DLGAP4: variants seen among roughly 807,000 people sequenced by gnomAD.
The protein encoded by DLGAP4 is disks large-associated protein 4.
Under a neutral mutation model 86.9 loss-of-function variants are expected in DLGAP4, and 18 were observed. The ratio of observed to expected loss-of-function variants is 0.21; its 90% CI spans 0.14 to 0.31. The LOEUF (loss-of-function observed/expected upper bound fraction) is 0.31, where lower values mean the gene tolerates loss of function less well. DLGAP4 is among the 10% of genes least tolerant of loss of function. DLGAP4 has a pLI of 1.00. For missense variants in DLGAP4, 1,085 were observed against 1,362.6 expected, an observed-to-expected ratio of 0.80 and a Z score of 3.21; for synonymous variants, 548 against 574.3, an observed-to-expected ratio of 0.95 and a Z score of 0.65.
chr20:36,428,074 CAAAT>C (rs765180565), intron 2 of DLGAP4, among the ~76,000 whole-genome samples: 14 of 152,146 alleles, frequency 9.2e-5, no homozygotes, highest in Non-Finnish European at 1.9e-4. Flanking sequence ...GATCAGAAAA[CAAAT>C]GAACTAAACG....
intron 2 of DLGAP4, among the ~76,000 whole-genome samples, chr20:36,401,816 A>T (rs1448547126): frequency 6.6e-6 from 1 of 152,230 alleles, no homozygotes; most frequent in Non-Finnish European, 1.5e-5. Context: ...CTGAAGGATC[A>T]GGGAAGGCCT....
chr20:36,396,642 CCACACA>C (rs59836413), intron 2 of DLGAP4, among the ~76,000 whole-genome samples: 1 of 78,244 alleles, frequency 1.3e-5, no homozygotes, highest in African/African-American at 3.3e-5. Flanking sequence ...CACGCACACA[CCACACA>C]CACACACACC....
chr20:36,335,558 G>C (rs185586065), intron 1 of DLGAP4, among the ~76,000 whole-genome samples: 16 of 152,322 alleles, frequency 1.1e-4, no homozygotes, highest in African/African-American at 3.6e-4. Context: ...AAGCGAGGCT[G>C]TGTGTCTGAG....
intron 2 of DLGAP4, among the ~76,000 whole-genome samples, chr20:36,370,146 G>A (rs562878116): frequency 6.6e-6 from 1 of 152,270 alleles, no homozygotes; most frequent in South Asian, 2.1e-4. Context: ...GCAGTCATAG[G>A]CAGCAGATGA....
At chr20:36,382,541 T>C (rs563801869) in intron 2 of DLGAP4, among the ~76,000 whole-genome samples, 42 of 141,658 alleles carry the variant, frequency 3.0e-4, no homozygotes, top group Middle Eastern at 3.4e-3. Context: ...TTTTTTTTTT[T>C]TTTTTTGAGA....
chr20:36,380,627 GAGAGAGAGAGAGAGAGAGAGAGAGAGA>G (rs2031349193), intron 2 of DLGAP4, among the ~76,000 whole-genome samples: 4 of 128,290 alleles, frequency 3.1e-5, no homozygotes, highest in Admixed American at 3.0e-4. Flanking sequence ...GAGAGAGAGA[GAGAGAGAGAGAGAGAGAGAGAGAGAGA>G]GAGAGAGAGA....
At chr20:36,347,772 G>A (rs2029994519) in intron 1 of DLGAP4, among the ~76,000 whole-genome samples, 2 of 150,120 alleles carry the variant, frequency 1.3e-5, no homozygotes, top group South Asian at 4.3e-4. Context: ...GCCACAGTGA[G>A]CAATGATTGT....
intron 10 of DLGAP4, among the ~76,000 whole-genome samples, chr20:36,506,124 A>C (rs1314088141): frequency 1.6e-4 from 24 of 152,194 alleles, no homozygotes; most frequent in Non-Finnish European, 3.4e-4. Context: ...GACAAGCAAC[A>C]TTTCAGGTGC....
At chr20:36,396,367 T>TATGG in intron 2 of DLGAP4, among the ~76,000 whole-genome samples, 2 of 3,172 alleles carry the variant, frequency 6.3e-4, no homozygotes, top group South Asian at 0.024. Context: ...CACACGCACA[T>TATGG]ACACACACCC....
intron 7 of DLGAP4, among the ~76,000 whole-genome samples, chr20:36,493,336 C>T (rs917181869): frequency 6.6e-5 from 10 of 152,164 alleles, no homozygotes; most frequent in Non-Finnish European, 1.5e-4. Context: ...AGGGGATCTT[C>T]CCTGCAGTCA....
intron 7 of DLGAP4, among the ~76,000 whole-genome samples, chr20:36,459,551 T>C (rs1233760396): frequency 6.6e-6 from 1 of 152,290 alleles, no homozygotes; most frequent in Admixed American, 6.5e-5. Flanking sequence ...GCTAATTTTT[T>C]AATTTTTGTG....
rs748300158 is a variant in DLGAP4 at position 36,432,695 on chromosome 20, T to C, written c.978T>C (p.Gly326=). ...TCAAGTCCAAATCCTGCCACCAGGG[T>C]CTAGCCTACCATTACCTGCAGGTGG... is the stretch of plus-strand genomic sequence containing the variant. ...SLLKSKSCHQ[G]LAYHYLQVPG... The change falls in exon 3 of 13, where the codon GGT becomes GGC. Residue 326 remains glycine, a synonymous_variant. Coordinates refer to ENST00000339266, the MANE Select transcript of DLGAP4 (RefSeq NM_001365621.2). This position sits in a 1 kb window ranked among gnomAD's most constrained non-coding sequence, Gnocchi z 6.5. The C allele has an allele frequency of 1.4e-5, 22 of 1,613,232 alleles. No homozygotes were observed. The highest frequency in any genetic ancestry group is 1.8e-5 in the Non-Finnish European group (21 of 1,179,748).
At chr20:36,368,107 C>T (rs1229663874) in intron 2 of DLGAP4, among the ~76,000 whole-genome samples, 1 of 152,238 alleles carries the variant, frequency 6.6e-6, no homozygotes, top group Admixed American at 6.5e-5. Context: ...CCGTGCCTGG[C>T]ATACAGTGGG....
rs1206848096 is a variant in DLGAP4, at chr20:36,525,871, C to T, written c.2625C>T (p.Arg875=). Residue 875 remains arginine (R), a synonymous_variant, in exon 12 of 13, where the codon CGC becomes CGT. Transcript: ENST00000339266. ...CACAGAACCCTGATGCCAACCCACG[C>T]CCCACAGCCCAGGACCTGGCAGGGT... ...EQNLNPDANP[R]PTAQDLAGFW... 7.4e-6 allele frequency: 12 copies of T among 1,613,582 alleles called. No homozygotes were observed. The highest frequency in any genetic ancestry group is 1.0e-5 in the Non-Finnish European group (12 of 1,180,000).
chr20:36,489,418 C>G (rs1263417691), intron 7 of DLGAP4, among the ~76,000 whole-genome samples: 1 of 152,164 alleles, frequency 6.6e-6, no homozygotes, highest in Non-Finnish European at 1.5e-5. Context: ...AGAGCTAGCT[C>G]CCTGAGCTTT....
At chr20:36,443,030 T>C (rs971021293) in intron 6 of DLGAP4, among the ~76,000 whole-genome samples, 1 of 152,240 alleles carries the variant, frequency 6.6e-6, no homozygotes, top group African/African-American at 2.4e-5. Flanking sequence ...CTAGGTGCTC[T>C]GGATGGGGCA....
At chr20:36,390,431 C>G (rs1182863602) in intron 2 of DLGAP4, among the ~76,000 whole-genome samples, 1 of 152,166 alleles carries the variant, frequency 6.6e-6, no homozygotes, top group African/African-American at 2.4e-5. Flanking sequence ...GTTCCCCTTC[C>G]TTACCCTGAC....
rs765636017 is a variant in DLGAP4, at chr20:36,500,340, C to T, written c.2241C>T (p.Ala747=). 8.7e-6 allele frequency: 14 copies of T among 1,613,528 alleles called. No individual in the cohort carries two copies. Among genetic ancestry groups the T allele is most frequent in the African/African-American group, 1.3e-5 (1 of 74,948 alleles). ...TPHPNSISID[A]GPRQAPKIAQ... is the part of the protein sequence containing the mutation. ...ACCCCAACTCCATCAGCATCGATGC[C>T]GGTCCCCGGCAGGCCCCCAAGATTG... The change falls in exon 10 of 13, where the codon GCC becomes GCT. Residue 747 remains alanine (A), a synonymous_variant. Transcript: ENST00000339266. This position sits in a 1 kb window ranked among gnomAD's most constrained non-coding sequence, Gnocchi z 4.6.
chr20:36,467,021 T>C (rs1247157715), intron 7 of DLGAP4, among the ~76,000 whole-genome samples: 1 of 13,324 alleles, frequency 7.5e-5, no homozygotes, highest in African/African-American at 1.8e-4. Flanking sequence ...CTCTCTCCTC[T>C]CTCTCTCTCT....
Sources: gnomAD v4.1 joint callset for allele counts (sites outside exome capture counted in the v4.1 genomes callset) on GRCh38, gnomAD v4.1.1 for gene constraint, Gnocchi (gnomAD v3.1) non-coding constraint, MANE v1.5 for transcripts, NCBI Gene and HGNC (gene_info 2026-07-23, HGNC 2026-07-21) for gene names.